PPARG: variants seen among roughly 807,000 people sequenced by gnomAD.
PPARG encodes the protein peroxisome proliferator-activated receptor gamma.
A neutral mutation model predicts 39.2 loss-of-function variants in PPARG; 17 were observed. The ratio of observed to expected loss-of-function variants is 0.43; its 90% CI spans 0.30 to 0.65. The LOEUF (loss-of-function observed/expected upper bound fraction) is 0.65, where lower values mean the gene tolerates loss of function less well. Among genes scored for constraint, PPARG ranks in the 30% least tolerant of loss-of-function variants. The probability of loss-of-function intolerance (pLI) is 0.13; values close to 1 mark genes in which losing one functional copy is unlikely to be tolerated. For missense variants in PPARG, 406 were observed against 585.9 expected, an observed-to-expected ratio of 0.69 and a Z score of 3.17; for synonymous variants, 223 against 215.7, an observed-to-expected ratio of 1.03 and a Z score of -0.30.
intron 6 of PPARG, among the ~76,000 whole-genome samples, chr3:12,415,640 G>A (rs1271380677): frequency 6.6e-6 from 1 of 152,136 alleles, no homozygotes; most frequent in East Asian, 1.9e-4. Context: ...TTTATTGATT[G>A]TTTGACCTAT....
intron 2 of PPARG, among the ~76,000 whole-genome samples, chr3:12,331,605 A>G (rs376568658): frequency 2.2e-4 from 34 of 152,346 alleles, no homozygotes; most frequent in African/African-American, 8.2e-4. Flanking sequence ...GATGGCAGAC[A>G]GGACGCCAGG....
rs7641290 is a variant in PPARG, at chr3:12,372,826, C to T, written c.-8-6878C>T. ...TCCTTTGAGTATTGTGAAAAGTCTG[C>T]GCATTGACTATAATAGCATTTAAAG... is the stretch of plus-strand genomic sequence containing the variant. On this transcript the variant is annotated intron_variant, in intron 2 of 7. Coordinates refer to ENST00000651735, the MANE Select transcript of PPARG (RefSeq NM_138711.6). 3.3e-3 allele frequency among the ~76,000 whole-genome samples: 497 copies of T among 152,244 alleles called. 2 individuals carry two copies. Among genetic ancestry groups the T allele is most frequent in the African/African-American group, 0.011 (466 of 41,554 alleles).
chr3:12,304,356 G>A (rs771777468), intron 1 of PPARG, among the ~76,000 whole-genome samples: 9 of 152,178 alleles, frequency 5.9e-5, no homozygotes, highest in African/African-American at 1.2e-4. Context: ...AAACTGTTAC[G>A]TTTAACAGCT....
intron 7 of PPARG, among the ~76,000 whole-genome samples, chr3:12,424,800 T>C (rs1469238225): frequency 6.6e-6 from 1 of 152,102 alleles, no homozygotes; most frequent in Non-Finnish European, 1.5e-5. Flanking sequence ...ATCCCCACTC[T>C]CTCTCTTCCT....
At chr3:12,304,369 A>G (rs1033812559) in intron 1 of PPARG, among the ~76,000 whole-genome samples, 25 of 152,198 alleles carry the variant, frequency 1.6e-4, no homozygotes, top group African/African-American at 4.3e-4. Flanking sequence ...TAACAGCTAG[A>G]ATGATCATAG....
At chr3:12,291,523 A>G (rs913226198) in intron 1 of PPARG, among the ~76,000 whole-genome samples, 1 of 152,164 alleles carries the variant, frequency 6.6e-6, no homozygotes, top group African/African-American at 2.4e-5. Flanking sequence ...GGGGAGTAAT[A>G]TAGTATATGT....
intron 7 of PPARG, among the ~76,000 whole-genome samples, chr3:12,430,601 TA>T (rs2051627378): frequency 6.6e-6 from 1 of 152,228 alleles, no homozygotes. Flanking sequence ...ATATCGTATA[TA>T]AGGCCCTTGG....
At chr3:12,336,563 T>C (rs2125059752) in intron 2 of PPARG, among the ~76,000 whole-genome samples, 1 of 152,368 alleles carries the variant, frequency 6.6e-6, no homozygotes, top group South Asian at 2.1e-4. Flanking sequence ...ATTACCTTAA[T>C]AATCTACTCT....
intron 4 of PPARG, among the ~76,000 whole-genome samples, chr3:12,383,370 T>C (rs2049756768): frequency 6.6e-6 from 1 of 152,240 alleles, no homozygotes; most frequent in Non-Finnish European, 1.5e-5. Flanking sequence ...TTATCTAAGA[T>C]CTTGATGAGT....
intron 2 of PPARG, among the ~76,000 whole-genome samples, chr3:12,378,219 A>G (rs1439326008): frequency 2.0e-5 from 3 of 152,344 alleles, no homozygotes; most frequent in East Asian, 1.9e-4. Context: ...GACTGCCTCA[A>G]AAAATTAAAA....
chr3:12,293,193 C>T (rs1218001772), intron 1 of PPARG, among the ~76,000 whole-genome samples: 1 of 152,062 alleles, frequency 6.6e-6, no homozygotes, highest in African/African-American at 2.4e-5. Context: ...GGAATTGAAT[C>T]CATTAAGTGG....
At chr3:12,433,849 G>A (rs2051756948) in intron 7 of PPARG, 49 bp from the exon 8 acceptor site, 2 of 1,612,666 alleles carry the variant, frequency 1.2e-6, no homozygotes, top group Non-Finnish European at 1.7e-6. Context: ...GGGCCCAGAG[G>A]ATTTTTTGAC....
chr3:12,369,027 G>T (rs1371953480), intron 2 of PPARG, among the ~76,000 whole-genome samples: 2 of 152,142 alleles, frequency 1.3e-5, no homozygotes, highest in African/African-American at 4.8e-5. Context: ...AAAAGATAGT[G>T]AATTTTAGCT....
chr3:12,417,184 A>G (rs1373852966), intron 7 of PPARG, 30 bp downstream of exon 7: 3 of 1,606,816 alleles, frequency 1.9e-6, no homozygotes, highest in Non-Finnish European at 2.5e-6. Context: ...CTTCTATGAA[A>G]GAGGGTGGGA....
intron 2 of PPARG, among the ~76,000 whole-genome samples, chr3:12,378,604 C>A (rs75157957): frequency 6.6e-6 from 1 of 151,988 alleles, no homozygotes; most frequent in African/African-American, 2.4e-5. Context: ...ACATGATCCA[C>A]GTGGAATCTA....
rs536240929 is a variant in PPARG at position 12,307,953 on chromosome 3, C to T, written c.-82-4427C>T. On this transcript the variant is annotated intron_variant, in intron 1 of 7. Coordinates refer to ENST00000651735, the MANE Select transcript of PPARG (RefSeq NM_138711.6). The stretch of plus-strand genomic sequence containing the variant: ...AGTAGATGTGTTATGAGTCACAGTG[C>T]TGAGGGCAAGAATATAAAGAAGAGA... Among the ~76,000 whole-genome samples the T allele has an allele frequency of 5.3e-5, 8 of 151,952 alleles. No individual in the cohort carries two copies. The South Asian group carries it at 1.5e-3, about 28-fold the overall frequency.
At chr3:12,386,836 A>T (rs144408916) in intron 4 of PPARG, among the ~76,000 whole-genome samples, 3,123 of 152,184 alleles carry the variant, frequency 0.021, 113 homozygotes, top group African/African-American at 0.071. Flanking sequence ...TGTCATTTAC[A>T]TTAGGTATTT....
chr3:12,417,264 G>A, intron 7 of PPARG, 110 bp downstream of exon 7: 1 of 1,074,256 alleles, frequency 9.3e-7, no homozygotes. Flanking sequence ...TTAAGTGCCA[G>A]TGGCATGATG....
intron 2 of PPARG, among the ~76,000 whole-genome samples, chr3:12,378,881 T>C (rs1039247950): frequency 6.6e-6 from 1 of 152,246 alleles, no homozygotes; most frequent in Admixed American, 6.5e-5. Context: ...AACTGTGAAG[T>C]GATGAATATG....
Sources: allele counts gnomAD v4.1 joint callset (sites outside exome capture counted in the v4.1 genomes callset), GRCh38; gene constraint gnomAD v4.1.1; transcripts MANE v1.5; gene names NCBI Gene and HGNC (gene_info 2026-07-23, HGNC 2026-07-21).